ARHGEF4: variants seen among roughly 807,000 people sequenced by gnomAD.
The protein encoded by ARHGEF4 is APC-stimulated guanine nucleotide exchange factor 1.
Under a neutral mutation model 162.0 loss-of-function variants are expected in ARHGEF4, and 119 were observed. That is an observed-to-expected ratio of 0.73 (90% confidence interval 0.63 to 0.86). ARHGEF4 has a LOEUF of 0.86. Ranked by LOEUF, ARHGEF4 falls within the 40% of genes least tolerant of loss-of-function variation. The pLI is 0.00. For missense variants in ARHGEF4, 2,488 were observed against 2,456.0 expected (o/e 1.01, Z -0.28); for synonymous variants, 1,014 against 979.9 (o/e 1.03, Z -0.65).
intron 1 of ARHGEF4, among the ~76,000 whole-genome samples, chr2:130,879,081 G>A (rs1471756558): frequency 6.6e-6 from 1 of 152,194 alleles, no homozygotes; most frequent in African/African-American, 2.4e-5. Flanking sequence ...AGGCATGGCT[G>A]AGCACAGCAC....
chr2:130,949,278 A>C (rs750857842), intron 4 of ARHGEF4, among the ~76,000 whole-genome samples: 1 of 152,158 alleles, frequency 6.6e-6, no homozygotes, highest in Non-Finnish European at 1.5e-5. Flanking sequence ...TCCAAATTTC[A>C]GTTCATTTCC....
rs140173572 is a variant in ARHGEF4, at chr2:130,946,523, G to A, written c.3873G>A (p.Thr1291=). ...HKDGVKCWRK[T]IITSPESLNL... ...TCCTCTTCCAGTGCTGGAGAAAGAC[G>A]ATCATTACCTCTCCAGAGTCTTTGA... Residue 1291 remains threonine (T), a synonymous_variant, in exon 4 of 14, where the codon ACG becomes ACA. Coordinates refer to ENST00000409359, the MANE Select transcript of ARHGEF4 (RefSeq NM_001367493.1). 2.5e-5 allele frequency: 41 copies of A among 1,611,714 alleles called. No homozygotes were observed. The highest frequency in any genetic ancestry group is 1.5e-4 in the African/African-American group (11 of 74,912).
chr2:131,028,956 C>G (rs967333817), intron 5 of ARHGEF4, among the ~76,000 whole-genome samples: 2 of 152,200 alleles, frequency 1.3e-5, no homozygotes, highest in African/African-American at 4.8e-5. Context: ...AGTTGGGGGG[C>G]TTCTCAGAAG....
chr2:130,871,707 C>G (rs1431598692), intron 1 of ARHGEF4, among the ~76,000 whole-genome samples: 1 of 152,044 alleles, frequency 6.6e-6, no homozygotes, highest in Non-Finnish European at 1.5e-5. Context: ...CTTCCAAATC[C>G]TGTGGACACT....
chr2:130,948,593 G>C (rs982504566), intron 4 of ARHGEF4, among the ~76,000 whole-genome samples: 2 of 152,150 alleles, frequency 1.3e-5, no homozygotes, highest in African/African-American at 4.8e-5. Context: ...GAAATAATTG[G>C]CAGATGAGTT....
chr2:130,851,316 G>T (rs1472895346), intron 1 of ARHGEF4, among the ~76,000 whole-genome samples: 1 of 152,260 alleles, frequency 6.6e-6, no homozygotes, highest in Non-Finnish European at 1.5e-5. Flanking sequence ...GCTGGCGCCA[G>T]CTCCGCAGCC....
At chr2:130,926,410 C>G (rs1288116478) in intron 2 of ARHGEF4, among the ~76,000 whole-genome samples, 1 of 152,034 alleles carries the variant, frequency 6.6e-6, no homozygotes, top group Non-Finnish European at 1.5e-5. Context: ...TCTGTTGACT[C>G]TCTTTTTTAT....
chr2:130,993,305 T>C (rs1687167590), intron 4 of ARHGEF4, among the ~76,000 whole-genome samples: 1 of 152,252 alleles, frequency 6.6e-6, no homozygotes, highest in Admixed American at 6.5e-5. Flanking sequence ...GATATTCTAA[T>C]CAACTTTTTA....
intron 4 of ARHGEF4, among the ~76,000 whole-genome samples, chr2:131,010,220 G>C (rs1007183258): frequency 1.4e-4 from 21 of 152,136 alleles, no homozygotes; most frequent in Admixed American, 2.0e-4. Context: ...TGTTCTAACT[G>C]TTCAATCAGT....
chr2:131,027,920 GC>G lies in ARHGEF4; in HGVS notation c.3986-22del, dbSNP rs769409867. On this transcript the variant is annotated intron_variant, in intron 4 of 13. Coordinates refer to ENST00000409359, the MANE Select transcript of ARHGEF4 (RefSeq NM_001367493.1). Reference sequence around the variant, plus strand: ...AGCCCTTCCCAGCCCAGCCCCCTTTGCCCAGCTGCTGTCTCTCCTTCCAGCC... The same window carrying G: ...AGCCCTTCCCAGCCCAGCCCCCTTTGCCAGCTGCTGTCTCTCCTTCCAGCC... The G allele has an allele frequency of 1.4e-5, 22 of 1,612,506 alleles. No individual in the cohort carries two copies. The African/African-American group carries it at 2.7e-4, about 20-fold the overall frequency.
intron 1 of ARHGEF4, among the ~76,000 whole-genome samples, chr2:130,906,735 C>T (rs145721954): frequency 2.2e-4 from 34 of 152,278 alleles, no homozygotes; most frequent in African/African-American, 7.2e-4. Flanking sequence ...AGTATCCAGT[C>T]GACACGTCAT....
intron 2 of ARHGEF4, among the ~76,000 whole-genome samples, chr2:130,925,326 A>C (rs60796692): frequency 0.81 from 123,500 of 151,988 alleles, 51,726 homozygotes; most frequent in East Asian, 1. Flanking sequence ...ACACAGAAAT[A>C]GACCCACACA....
chr2:130,888,303 C>G (rs1679642910), intron 1 of ARHGEF4, among the ~76,000 whole-genome samples: 1 of 151,958 alleles, frequency 6.6e-6, no homozygotes, highest in Admixed American at 6.5e-5. Flanking sequence ...GAAACCCCGT[C>G]TCTACTAAAA....
chr2:130,970,930 T>G, intron 4 of ARHGEF4, among the ~76,000 whole-genome samples: 1 of 152,228 alleles, frequency 6.6e-6, no homozygotes, highest in East Asian at 1.9e-4. Context: ...AATCCAATTT[T>G]TCATCTCTCT....
chr2:130,840,524 T>A (rs1680535138), intron 1 of ARHGEF4, among the ~76,000 whole-genome samples: 1 of 152,122 alleles, frequency 6.6e-6, no homozygotes, highest in Non-Finnish European at 1.5e-5. Context: ...GAGTTGTAGA[T>A]CCATCCAGGT....
Position 130,953,261 on chromosome 2 carries a change from C to T in ARHGEF4, c.3985+6626C>T, listed in dbSNP as rs541612258. Among the ~76,000 whole-genome samples the T allele has an allele frequency of 1.2e-3, 181 of 152,256 alleles. 1 individual carries two copies. Among genetic ancestry groups the T allele is most frequent in the South Asian group, 9.1e-3 (44 of 4,820 alleles). ...CCTCAGAAATAACACCACACATCTA[C>T]AACCATCTGATCTTTGACAAACCTG... is the stretch of plus-strand genomic sequence containing the variant. On this transcript the variant is annotated intron_variant, in intron 4 of 13. Coordinates refer to ENST00000409359, the MANE Select transcript of ARHGEF4 (RefSeq NM_001367493.1).
At chr2:130,901,428 T>C (rs574192978) in intron 1 of ARHGEF4, among the ~76,000 whole-genome samples, 11 of 152,290 alleles carry the variant, frequency 7.2e-5, no homozygotes, top group Non-Finnish European at 1.6e-4. Context: ...TGCTGGAACT[T>C]TGGCCAAAGA....
At chr2:131,030,925 G>A (rs115705700) in intron 5 of ARHGEF4, among the ~76,000 whole-genome samples, 6 of 152,344 alleles carry the variant, frequency 3.9e-5, no homozygotes, top group African/African-American at 7.2e-5. Context: ...GCCAGTTCCC[G>A]GGCCTTCAGG....
At chr2:130,923,551 T>C (rs943879724) in intron 2 of ARHGEF4, among the ~76,000 whole-genome samples, 1 of 152,206 alleles carries the variant, frequency 6.6e-6, no homozygotes, top group Non-Finnish European at 1.5e-5. Context: ...GGGCGGGCAA[T>C]GTTCTAGATG....
Sources: allele counts gnomAD v4.1 joint callset (sites outside exome capture counted in the v4.1 genomes callset), GRCh38; gene constraint gnomAD v4.1.1; transcripts MANE v1.5; gene names NCBI Gene and HGNC (gene_info 2026-07-23, HGNC 2026-07-21).